SKOR2: variants seen among roughly 807,000 people sequenced by gnomAD.
SKOR2 encodes the protein LBX1 corepressor 1-like protein.
SKOR2 carries 47 observed loss-of-function variants against 69.1 expected under a neutral mutation model. The ratio of observed to expected loss-of-function variants is 0.68; its 90% confidence interval spans 0.54 to 0.87. SKOR2 has a LOEUF of 0.87. Among genes scored for constraint, SKOR2 ranks in the 40% least tolerant of loss-of-function variants. The pLI is 0.00. For missense variants in SKOR2, 1,404 were observed against 1,472.2 expected, an observed-to-expected ratio of 0.95 and a Z score of 0.76; for synonymous variants, 717 against 672.6, an observed-to-expected ratio of 1.07 and a Z score of -1.02.
intron 7 of SKOR2, among the ~76,000 whole-genome samples, chr18:47,216,920 G>A (rs1464522229): frequency 1.3e-5 from 2 of 152,106 alleles, no homozygotes; most frequent in African/African-American, 2.4e-5. Context: ...TGATGAATAA[G>A]ATCATCCAAC....
intron 4 of SKOR2, among the ~76,000 whole-genome samples, chr18:47,234,862 G>C (rs2064214972): frequency 2.4e-5 from 1 of 41,604 alleles, no homozygotes; most frequent in African/African-American, 7.5e-5. Flanking sequence ...CTCCATCTCA[G>C]GGAAAAAAAA....
chr18:47,223,917 TA>T (rs377754483), intron 6 of SKOR2, among the ~76,000 whole-genome samples: 3,415 of 128,890 alleles, frequency 0.026, 64 homozygotes, highest in Admixed American at 0.062. Context: ...TTTTTTTTTT[TA>T]AATTTGAGGC....
intron 4 of SKOR2, among the ~76,000 whole-genome samples, chr18:47,234,179 G>A (rs2064211265): frequency 6.6e-6 from 1 of 152,040 alleles, no homozygotes; most frequent in African/African-American, 2.4e-5. Flanking sequence ...AAACCAGATT[G>A]TTAATGGTGG....
At chr18:47,215,718 A>C (rs17712249) in intron 7 of SKOR2, among the ~76,000 whole-genome samples, 15,611 of 152,224 alleles carry the variant, frequency 0.1, 840 homozygotes, top group Non-Finnish European at 0.12. Flanking sequence ...GTGACTGCAG[A>C]ATTCTGGAAA....
Position 47,247,714 on chromosome 18 carries a change from C to A in SKOR2, c.1470G>T (p.Gln490His). Reference protein sequence around the residue: ...PVPTYLQPPPQPPSALGCALG... With the variant: ...PVPTYLQPPPHPPSALGCALG... Reference sequence around the variant, plus strand: ...GCGCGCAGCCTAGCGCCGAGGGCGGCTGAGGCGGGGGCTGCAGGTAGGTGG... The same window carrying A: ...GCGCGCAGCCTAGCGCCGAGGGCGGATGAGGCGGGGGCTGCAGGTAGGTGG... The change falls in exon 2 of 9, where the codon CAG (glutamine) becomes CAT (histidine). Residue 490 changes from glutamine to histidine, a missense_variant. By Grantham distance (24) the Gln-to-His change is conservative. Transcript: ENST00000425639. This position sits in a 1 kb window ranked among gnomAD's most constrained non-coding sequence, Gnocchi z 6.6. 2 of 1,360,720 alleles carry A rather than the reference C, an allele frequency of 1.5e-6. No individual in the cohort carries two copies. Among genetic ancestry groups the A allele is most frequent in the Non-Finnish European group, 1.9e-6 (2 of 1,066,490 alleles). The allele number at this position is 1,360,720 out of a possible 1,614,324, so 84.3% of individuals were successfully genotyped here. A position where few individuals can be genotyped will look rare whatever the true frequency, so the allele number is the denominator to read the frequency against.
At position 47,245,495 on chromosome 18, in the gene SKOR2, T is replaced by TTTTTTTTTTTTTTTTTTTAA; in HGVS notation, c.2677+2_2677+3insTTAAAAAAAAAAAAAAAAAA. On this transcript the variant is annotated splice_region_variant and intron_variant, in intron 3 of 8. Coordinates refer to ENST00000425639, the MANE Select transcript of SKOR2 (RefSeq NM_001278063.4). ...GGCAGCTGATTTTTTTTTTTTTTTT[T>TTTTTTTTTTTTTTTTTTTAA]ACCTGAAAAGCTGTTGTCATCCTTT... 2.7e-6 allele frequency: 4 copies of TTTTTTTTTTTTTTTTTTTAA among 1,470,328 alleles called. No individual in the cohort carries two copies. The highest frequency in any genetic ancestry group is 1.5e-5 in the African/African-American group (1 of 67,658). The allele number at this position is 1,470,328 out of a possible 1,614,324, so 91.1% of individuals were successfully genotyped here. A position where few individuals can be genotyped will look rare whatever the true frequency, so the allele number is the denominator to read the frequency against.
At position 47,247,178 on chromosome 18, in the gene SKOR2, G is replaced by GGGGGGT. The variant is rs2064281304; in HGVS notation, c.2005_2006insACCCCC (p.His668_Pro669insHisPro). 3.2e-6 allele frequency: 4 copies of GGGGGGT among 1,252,994 alleles called. No individual in the cohort carries two copies. The African/African-American group carries it at 6.4e-5, about 20-fold the overall frequency. 77.6% of individuals were successfully genotyped at this position (1,252,994 alleles called of 1,614,324 possible). A position where few individuals can be genotyped will look rare whatever the true frequency, so the allele number is the denominator to read the frequency against. ...CAGAAGCGGCGACGGCGGCTGCGGGGGGTGGTGGTGGTGGTGGTGGTGGTG... is the reference window on the plus strand; with the variant it reads ...CAGAAGCGGCGACGGCGGCTGCGGGGGGGGGTGGTGGTGGTGGTGGTGGTGGTGGTG... On this transcript the variant is annotated inframe_insertion, in exon 2 of 9. Coordinates refer to ENST00000425639, the MANE Select transcript of SKOR2 (RefSeq NM_001278063.4). This position sits in a 1 kb window ranked among gnomAD's most constrained non-coding sequence, Gnocchi z 6.6.
At chr18:47,243,206 C>T (rs2064256665) in intron 4 of SKOR2, among the ~76,000 whole-genome samples, 2 of 152,184 alleles carry the variant, frequency 1.3e-5, no homozygotes. Flanking sequence ...CTCCAATCCA[C>T]TTCAGCAGCT....
In SKOR2 at chr18:47,248,345, T is replaced by C; in HGVS notation, c.839A>G (p.His280Arg). 1 of 1,234,752 alleles carries C rather than the reference T, an allele frequency of 8.1e-7. No individual in the cohort carries two copies. The highest frequency in any genetic ancestry group is 1.0e-6 in the Non-Finnish European group (1 of 995,056). The allele number at this position is 1,234,752 out of a possible 1,614,324, so 76.5% of individuals were successfully genotyped here. The change falls in exon 2 of 9, where the codon CAC becomes CGC. Residue 280 changes from histidine to arginine, a missense_variant. Coordinates refer to ENST00000425639, the MANE Select transcript of SKOR2 (RefSeq NM_001278063.4). The surrounding 1 kb of genome is among the most constrained non-coding windows in gnomAD (Gnocchi z 6.4). Reference protein sequence around the residue: ...VAGGGGLLGPHLLGAPPPPPP... With the variant: ...VAGGGGLLGPRLLGAPPPPPP... ...CGGCGGCGGGGGCGCACCCAGCAGG[T>C]GGGGGCCCAGCAGACCCCCGCCTCC...
intron 5 of SKOR2, 51 bp from the exon 6 acceptor site, chr18:47,230,608 A>C (rs2064194024): frequency 1.7e-6 from 2 of 1,175,178 alleles, no homozygotes; most frequent in Non-Finnish European, 2.2e-6. Flanking sequence ...ATAACTCTCC[A>C]GAGAACTGTT....
rs184608179 is a variant in SKOR2, at chr18:47,219,662, G to T, written c.2985+281C>A. Among the ~76,000 whole-genome samples, 613 of 152,220 alleles carry T rather than the reference G, an allele frequency of 4.0e-3. 4 individuals are homozygous for T. Among genetic ancestry groups the T allele is most frequent in the African/African-American group, 0.014 (587 of 41,530 alleles). On this transcript the variant is annotated intron_variant, in intron 7 of 8. Coordinates refer to ENST00000425639, the MANE Select transcript of SKOR2 (RefSeq NM_001278063.4). ...GCCCAGCACTGTGTTTGGGAAGTTT[G>T]CATAATGGAAGAAAATGCAGGTACC...
At chr18:47,241,423 T>A (rs1600045087) in intron 4 of SKOR2, among the ~76,000 whole-genome samples, 1 of 152,106 alleles carries the variant, frequency 6.6e-6, no homozygotes, top group East Asian at 1.9e-4. Flanking sequence ...CACAAGTAAA[T>A]ACATTAATAC....
At chr18:47,243,436 C>T (rs1353310644) in intron 4 of SKOR2, among the ~76,000 whole-genome samples, 1 of 152,088 alleles carries the variant, frequency 6.6e-6, no homozygotes, top group Non-Finnish European at 1.5e-5. Context: ...ACATATCAAA[C>T]AAACAAAAGC....
In SKOR2 at chr18:47,246,928, G is replaced by T. The variant is rs1205983016; in HGVS notation, c.2256C>A (p.Pro752=). ...QEVDVEGHKP[P]EGEEEEEGRD... is the part of the protein sequence containing the mutation. The stretch of plus-strand genomic sequence containing the variant: ...GACCTTCCTCCTCTTCCTCGCCCTC[G>T]GGGGGCTTGTGGCCCTCCACGTCCA... The change falls in exon 2 of 9, where the codon CCC becomes CCA. Residue 752 remains proline (P), a synonymous_variant. Coordinates refer to ENST00000425639, the MANE Select transcript of SKOR2 (RefSeq NM_001278063.4). 1 of 1,495,422 alleles carries T rather than the reference G, an allele frequency of 6.7e-7. No individual in the cohort carries two copies. The highest frequency in any genetic ancestry group is 2.8e-5 in the East Asian group (1 of 36,290). 92.6% of individuals were successfully genotyped at this position (1,495,422 alleles called of 1,614,324 possible).
At position 47,248,284 on chromosome 18, in the gene SKOR2, A is replaced by C; in HGVS notation, c.900T>G (p.Gly300=). 2.5e-6 allele frequency: 3 copies of C among 1,213,480 alleles called. No homozygotes were observed. The highest frequency in any genetic ancestry group is 3.1e-6 in the Non-Finnish European group (3 of 978,750). The allele number at this position is 1,213,480 out of a possible 1,614,324, so 75.2% of individuals were successfully genotyped here. ...PPPPPLAELA[G]APHAHHKRPR... ...GCCGCTTGTGATGGGCGTGCGGGGC[A>C]CCAGCCAGCTCTGCCAAGGGCGGCG... The change falls in exon 2 of 9, where the codon GGT becomes GGG. Residue 300 remains glycine (G), a synonymous_variant. Transcript: ENST00000425639. The surrounding 1 kb of genome is among the most constrained non-coding windows in gnomAD (Gnocchi z 6.4).
Position 47,248,081 on chromosome 18 carries a change from G to GC in SKOR2, c.1102dup (p.Ala368GlyfsTer56). 2.2e-6 allele frequency: 3 copies of GC among 1,376,010 alleles called. No individual in the cohort carries two copies. Among genetic ancestry groups the GC allele is most frequent in the South Asian group, 1.7e-5 (1 of 60,030 alleles). The allele number at this position is 1,376,010 out of a possible 1,614,324, so 85.2% of individuals were successfully genotyped here. ...GCCTTTGGCCCCTGCCCCGGCACCC[G>GC]CCCCCGCGCCCGCGCCCACGCCCAC... On this transcript the variant is annotated frameshift_variant, in exon 2 of 9. Transcript: ENST00000425639. LOFTEE classifies it high-confidence loss of function. This position sits in a 1 kb window ranked among gnomAD's most constrained non-coding sequence, Gnocchi z 6.4.
At position 47,247,203 on chromosome 18, in the gene SKOR2, G is replaced by A; in HGVS notation, c.1981C>T (p.His661Tyr). The A allele has an allele frequency of 7.2e-7, 1 of 1,397,762 alleles. No homozygotes were observed. Among genetic ancestry groups the A allele is most frequent in the Non-Finnish European group, 9.3e-7 (1 of 1,077,106 alleles). The allele number at this position is 1,397,762 out of a possible 1,614,324, so 86.6% of individuals were successfully genotyped here. ...GGGTGGTGGTGGTGGTGGTGGTGGT[G>A]AGGGTGGTGATGGTGGTGGGGATGC... Reference protein sequence around the residue: ...QTHPHHHHHPHHHHHHHHPPQ... With the variant: ...QTHPHHHHHPYHHHHHHHPPQ... Residue 661 changes from histidine (H) to tyrosine (Y), a missense_variant, in exon 2 of 9, where the codon CAC becomes TAC. Transcript: ENST00000425639. This position sits in a 1 kb window ranked among gnomAD's most constrained non-coding sequence, Gnocchi z 6.6.
At chr18:47,224,836 T>C (rs1003276824) in intron 6 of SKOR2, among the ~76,000 whole-genome samples, 1 of 152,016 alleles carries the variant, frequency 6.6e-6, no homozygotes, top group Non-Finnish European at 1.5e-5. Flanking sequence ...CCCAGGCTGA[T>C]CTCAAACTTC....
chr18:47,226,731 A>G (rs546890106), intron 6 of SKOR2, among the ~76,000 whole-genome samples: 1 of 152,358 alleles, frequency 6.6e-6, no homozygotes, highest in African/African-American at 2.4e-5. Context: ...AGTATATAGT[A>G]GCAACAACTC....
Sources: allele counts gnomAD v4.1 joint callset (sites outside exome capture counted in the v4.1 genomes callset), GRCh38; gene constraint gnomAD v4.1.1; non-coding constraint Gnocchi (gnomAD v3.1); transcripts MANE v1.5; gene names NCBI Gene and HGNC (gene_info 2026-07-23, HGNC 2026-07-21).